GRM7: variants seen among roughly 807,000 people sequenced by gnomAD.
The protein encoded by GRM7 is glutamate metabotropic receptor 7.
In GRM7, 35 loss-of-function variants were observed where a neutral mutation model predicts 84.5. The ratio of observed to expected loss-of-function variants is 0.41; its 90% CI spans 0.32 to 0.55. The LOEUF (loss-of-function observed/expected upper bound fraction) is 0.55. Ranked by LOEUF, GRM7 falls within the 20% of genes least tolerant of loss-of-function variation. The pLI, the probability that GRM7 is intolerant of heterozygous loss-of-function variation, is 0.19. For synonymous variants in GRM7, 487 were observed against 455.1 expected (o/e 1.07, Z -0.89); for missense variants, 1,003 against 1,194.6 (o/e 0.84, Z 2.36).
chr3:7,162,438 T>A (rs551392448), intron 2 of GRM7, among the ~76,000 whole-genome samples: 2 of 151,826 alleles, frequency 1.3e-5, no homozygotes, highest in African/African-American at 4.8e-5. Flanking sequence ...GAAGATGAAA[T>A]GAAGGTCCAG....
intron 1 of GRM7, among the ~76,000 whole-genome samples, chr3:6,998,388 C>G (rs7626458): frequency 0.24 from 37,158 of 152,010 alleles, 4,691 homozygotes; most frequent in South Asian, 0.36. Context: ...CAGTCCCCCC[C>G]AAAGTTGCTT....
At chr3:6,895,615 C>T (rs894746162) in intron 1 of GRM7, among the ~76,000 whole-genome samples, 1 of 152,052 alleles carries the variant, frequency 6.6e-6, no homozygotes, top group African/African-American at 2.4e-5. Flanking sequence ...TACCAAAGAC[C>T]ACAATTTTAG....
At chr3:7,332,504 TC>T (rs1033069533) in intron 4 of GRM7, among the ~76,000 whole-genome samples, 4 of 152,268 alleles carry the variant, frequency 2.6e-5, no homozygotes, top group African/African-American at 9.6e-5. Flanking sequence ...TTTGCCTAAT[TC>T]CCCTCTGGTT....
intron 1 of GRM7, among the ~76,000 whole-genome samples, chr3:6,889,181 G>A (rs961486928): frequency 6.6e-6 from 1 of 152,016 alleles, no homozygotes; most frequent in Admixed American, 6.6e-5. Context: ...CTGCAAACAG[G>A]GACAATTTGA....
Position 7,454,081 on chromosome 3 carries a change from T to TACACACACACACACAC in GRM7, c.1375+1284_1375+1285insACACACACACACACAC, listed in dbSNP as rs141029901. Among the ~76,000 whole-genome samples, 856 of 142,656 alleles carry TACACACACACACACAC rather than the reference T, an allele frequency of 6.0e-3. 7 individuals are homozygous for TACACACACACACACAC. The highest frequency in any genetic ancestry group is 0.015 in the Middle Eastern group (4 of 274). The allele number at this position is 142,656 out of a possible 152,430, so 93.6% of individuals were successfully genotyped here. ...GAGCCAAGAACCATACATGAAAAGC[T>TACACACACACACACAC]ACACACACACTCTCTCTCTCTCTCT... On this transcript the variant is annotated intron_variant, in intron 6 of 9. Coordinates refer to ENST00000357716, the MANE Select transcript of GRM7 (RefSeq NM_000844.4).
At chr3:7,002,551 G>T (rs1016445434) in intron 1 of GRM7, among the ~76,000 whole-genome samples, 2 of 152,114 alleles carry the variant, frequency 1.3e-5, no homozygotes, top group African/African-American at 4.8e-5. Flanking sequence ...AGCCACTGGG[G>T]ATATGGACAT....
At chr3:7,014,602 C>T (rs1695496107) in intron 1 of GRM7, among the ~76,000 whole-genome samples, 1 of 152,110 alleles carries the variant, frequency 6.6e-6, no homozygotes, top group Non-Finnish European at 1.5e-5. Context: ...AGATGTGAGC[C>T]ACCACACCTG....
At chr3:6,985,211 A>T (rs1327745477) in intron 1 of GRM7, among the ~76,000 whole-genome samples, 9 of 152,154 alleles carry the variant, frequency 5.9e-5, no homozygotes, top group Admixed American at 3.9e-4. Flanking sequence ...TTATCCTTTG[A>T]GTTACAAACA....
chr3:7,599,811 G>A (rs928108977), intron 8 of GRM7, among the ~76,000 whole-genome samples: 1 of 151,960 alleles, frequency 6.6e-6, no homozygotes, highest in Non-Finnish European at 1.5e-5. Context: ...CTGTTGATTC[G>A]GGAGCACAAA....
intron 1 of GRM7, among the ~76,000 whole-genome samples, chr3:6,972,703 C>A (rs568738786): frequency 4.6e-5 from 7 of 152,140 alleles, no homozygotes; most frequent in Non-Finnish European, 8.8e-5. Context: ...GAGAGCTCTG[C>A]GGTAAGGACG....
At chr3:7,009,098 T>C (rs534974388) in intron 1 of GRM7, among the ~76,000 whole-genome samples, 3 of 152,324 alleles carry the variant, frequency 2.0e-5, no homozygotes, top group East Asian at 3.9e-4. Flanking sequence ...CCTTTCTTTA[T>C]CTCAAGACAA....
At chr3:7,530,339 A>G (rs1362337593) in intron 7 of GRM7, among the ~76,000 whole-genome samples, 3 of 152,124 alleles carry the variant, frequency 2.0e-5, no homozygotes, top group Non-Finnish European at 4.4e-5. Flanking sequence ...TATCCAGTCT[A>G]TCATTAATGG....
chr3:7,274,655 T>C (rs1156452759), intron 2 of GRM7, among the ~76,000 whole-genome samples: 1 of 152,098 alleles, frequency 6.6e-6, no homozygotes, highest in African/African-American at 2.4e-5. Flanking sequence ...TCATTATTTC[T>C]CTACAGGTAC....
chr3:7,577,258 G>A (rs912017688), intron 7 of GRM7, among the ~76,000 whole-genome samples: 4 of 152,262 alleles, frequency 2.6e-5, no homozygotes, highest in South Asian at 4.2e-4. Context: ...ACCTGGGATC[G>A]TGTTAAAAAT....
chr3:7,378,889 G>C (rs1039782976), intron 4 of GRM7, among the ~76,000 whole-genome samples: 2 of 152,052 alleles, frequency 1.3e-5, no homozygotes, highest in African/African-American at 4.8e-5. Context: ...ACATGTTTCA[G>C]TCAGCTTCTC....
chr3:6,876,185 T>C (rs1695293622), intron 1 of GRM7, among the ~76,000 whole-genome samples: 1 of 151,984 alleles, frequency 6.6e-6, no homozygotes, highest in African/African-American at 2.4e-5. Context: ...CAAGAATCGC[T>C]TGAACCCGGG....
chr3:7,684,322 G>A (rs961882732), intron 9 of GRM7, among the ~76,000 whole-genome samples: 1 of 152,160 alleles, frequency 6.6e-6, no homozygotes, highest in African/African-American at 2.4e-5. Context: ...TCTCCAGTGG[G>A]CAAATTCTGT....
chr3:7,216,490 G>T (rs1696616020), intron 2 of GRM7, among the ~76,000 whole-genome samples: 1 of 152,052 alleles, frequency 6.6e-6, no homozygotes. Context: ...TATTTTAATG[G>T]TGATTTGACA....
intron 1 of GRM7, among the ~76,000 whole-genome samples, chr3:7,076,093 C>T (rs141125351): frequency 1.9e-4 from 29 of 152,188 alleles, no homozygotes; most frequent in African/African-American, 6.5e-4. Flanking sequence ...GTGTGAGGCC[C>T]TCTGCTGGGC....
Sources: gnomAD v4.1 joint callset for allele counts (sites outside exome capture counted in the v4.1 genomes callset) on GRCh38, gnomAD v4.1.1 for gene constraint, MANE v1.5 for transcripts, NCBI Gene and HGNC (gene_info 2026-07-23, HGNC 2026-07-21) for gene names.